Variants in RRP1B observed in about 807,000 individuals in gnomAD.
The protein encoded by RRP1B is ribosomal RNA processing protein 1 homolog B.
In RRP1B, 56 loss-of-function variants were observed where a neutral mutation model predicts 80.2. The observed-to-expected ratio is 0.70, with a 90% CI of 0.56 to 0.87. The LOEUF is 0.87. RRP1B is among the 40% of genes least tolerant of loss of function. The pLI, the probability that RRP1B is intolerant of heterozygous loss-of-function variation, is 0.00. For missense variants in RRP1B, 807 were observed against 939.8 expected (o/e 0.86, Z 1.85); for synonymous variants, 351 against 357.6 (o/e 0.98, Z 0.21).
Position 43,676,351 on chromosome 21 carries a change from T to A in RRP1B, c.614+15T>A. ...AAGACGAAGGAGTAAGTGATTCCCC[T>A]GTTCGTTCCTCCTGCTCCGTGGCAT... On this transcript the variant is annotated intron_variant, in intron 7 of 15. Coordinates refer to ENST00000340648, the MANE Select transcript of RRP1B (RefSeq NM_015056.3). 1 of 1,595,700 alleles carries A rather than the reference T, an allele frequency of 6.3e-7. No individual in the cohort carries two copies. The highest frequency in any genetic ancestry group is 8.6e-7 in the Non-Finnish European group (1 of 1,164,352).
At chr21:43,688,538 G>T (rs1177859971) in intron 13 of RRP1B, among the ~76,000 whole-genome samples, 1 of 152,214 alleles carries the variant, frequency 6.6e-6, no homozygotes, top group African/African-American at 2.4e-5. Flanking sequence ...CCCCAGGCGT[G>T]TTCAGGCCAG....
intron 1 of RRP1B, among the ~76,000 whole-genome samples, chr21:43,666,615 G>T (rs1300413321): frequency 6.6e-6 from 1 of 152,014 alleles, no homozygotes; most frequent in African/African-American, 2.4e-5. Context: ...CTACGTGGGA[G>T]GCTGAGGCAG....
At chr21:43,660,023 G>C (rs1032552672) in intron 1 of RRP1B, among the ~76,000 whole-genome samples, 1 of 152,224 alleles carries the variant, frequency 6.6e-6, no homozygotes, top group Non-Finnish European at 1.5e-5. Context: ...ACAGTAAGCG[G>C]GGAAGCTGAG....
intron 1 of RRP1B, among the ~76,000 whole-genome samples, chr21:43,660,586 GAA>G (rs2082949403): frequency 6.6e-6 from 1 of 152,176 alleles, no homozygotes; most frequent in Admixed American, 6.5e-5. Context: ...AAGAAAAAAG[GAA>G]AAAGAAAACC....
intron 1 of RRP1B, among the ~76,000 whole-genome samples, chr21:43,668,573 G>A (rs899949447): frequency 2.0e-5 from 3 of 152,046 alleles, no homozygotes. Context: ...GTTTCACTGT[G>A]TTAGTGAGGA....
Position 43,693,140 on chromosome 21 carries a change from G to A in RRP1B, c.2084-50G>A. On this transcript the variant is annotated intron_variant, in intron 15 of 15. Transcript: ENST00000340648. This position sits in a 1 kb window ranked among gnomAD's most constrained non-coding sequence, Gnocchi z 4.1. ...AGGACGCTGTCTAAGGTGTTGAAGG[G>A]ACAGCTGTCGGACCCACTTAATATG... 1 of 1,596,986 alleles carries A rather than the reference G, an allele frequency of 6.3e-7. No individual in the cohort carries two copies. The highest frequency in any genetic ancestry group is 8.6e-7 in the Non-Finnish European group (1 of 1,167,792).
chr21:43,689,786 C>G (rs542178715), intron 13 of RRP1B, among the ~76,000 whole-genome samples: 2 of 152,222 alleles, frequency 1.3e-5, no homozygotes, highest in African/African-American at 4.8e-5. Context: ...GTGTCGGCAG[C>G]GGCACTGGGC....
chr21:43,663,357 C>A (rs554753129), intron 1 of RRP1B, among the ~76,000 whole-genome samples: 1 of 152,186 alleles, frequency 6.6e-6, no homozygotes, highest in South Asian at 2.1e-4. Flanking sequence ...CCTCCACCTT[C>A]CAGTTTCAAG....
At chr21:43,665,834 T>C (rs1185016072) in intron 1 of RRP1B, among the ~76,000 whole-genome samples, 1 of 152,206 alleles carries the variant, frequency 6.6e-6, no homozygotes, top group East Asian at 1.9e-4. Context: ...GGAGCCATGC[T>C]TGTACAGCCT....
Position 43,683,336 on chromosome 21 carries a change from A to T in RRP1B, c.854A>T (p.Asp285Val). The T allele has an allele frequency of 6.2e-7, 1 of 1,614,188 alleles. No homozygotes were observed. Among genetic ancestry groups the T allele is most frequent in the Non-Finnish European group, 8.5e-7 (1 of 1,180,012 alleles). ...CTCAGTGATGAAAGAGGAAGAGATG[A>T]CTGTGGAACCTTTGAGGACACAGGG... Reference protein sequence around the residue: ...DGLSDERGRDDCGTFEDTGPL... With the variant: ...DGLSDERGRDVCGTFEDTGPL... Residue 285 changes from aspartate to valine, a missense_variant, in exon 9 of 16, where the codon GAC (aspartate) becomes GTC (valine). By Grantham distance (152) the Asp-to-Val change is radical. Transcript: ENST00000340648.
At position 43,675,332 on chromosome 21, in the gene RRP1B, T is replaced by C. The variant is rs115527012; in HGVS notation, c.549+169T>C. 1.0e-2 allele frequency among the ~76,000 whole-genome samples: 1,519 copies of C among 152,250 alleles called. 22 individuals are homozygous for C. The highest frequency in any genetic ancestry group is 0.033 in the African/African-American group (1,382 of 41,536). On this transcript the variant is annotated intron_variant, in intron 6 of 15. Transcript: ENST00000340648. ...TCCTAAGCAGCTGGTGGGATGGGAT[T>C]TGTGCACTGAGGATGTACATGACAG...
At chr21:43,677,637 A>G (rs1568957626) in intron 8 of RRP1B, among the ~76,000 whole-genome samples, 1 of 152,252 alleles carries the variant, frequency 6.6e-6, no homozygotes, top group Non-Finnish European at 1.5e-5. Context: ...CAAACTCTAC[A>G]TAGAAGGAGT....
chr21:43,667,688 T>TA (rs2082983796), intron 1 of RRP1B, among the ~76,000 whole-genome samples: 1 of 152,192 alleles, frequency 6.6e-6, no homozygotes, highest in Admixed American at 6.6e-5. Context: ...AAAAAAAAGT[T>TA]ACTGCAATCA....
chr21:43,686,402 T>C (rs535323119), intron 11 of RRP1B: 2 of 176,098 alleles, frequency 1.1e-5, no homozygotes, highest in South Asian at 1.4e-4. Flanking sequence ...TTTGCTCTTA[T>C]GGTCAATGGT....
At chr21:43,678,651 G>T (rs1056744558) in intron 8 of RRP1B, among the ~76,000 whole-genome samples, 1 of 152,136 alleles carries the variant, frequency 6.6e-6, no homozygotes. Flanking sequence ...ATTTGTTTGA[G>T]TTCCTTGTAG....
chr21:43,674,558 C>CT, intron 4 of RRP1B, 78 bp from the exon 5 acceptor site: 1 of 1,073,608 alleles, frequency 9.3e-7, no homozygotes, highest in Non-Finnish European at 1.3e-6. Flanking sequence ...CTTCATTCTG[C>CT]TGAGCTGATT....
rs1440434168 is a variant in RRP1B, at chr21:43,669,941, G to A, written c.188G>A (p.Trp63Ter). The A allele has an allele frequency of 1.9e-6, 3 of 1,612,820 alleles. No individual in the cohort carries two copies. Among genetic ancestry groups the A allele is most frequent in the Non-Finnish European group, 2.5e-6 (3 of 1,179,034 alleles). Residue 63 changes from tryptophan to a stop codon, truncating the protein, a stop_gained, in exon 2 of 16, where the codon TGG becomes TAG. Coordinates refer to ENST00000340648, the MANE Select transcript of RRP1B (RefSeq NM_015056.3). LOFTEE classifies it high-confidence loss of function. The stretch of plus-strand genomic sequence containing the variant: ...TGGAAGGGGCTCTTCTACTGCATGT[G>A]GGTGCAGGATGAACCCCTTCTACAG... ...KIWKGLFYCM[W>*]VQDEPLLQEE... is the part of the protein sequence containing the mutation.
At chr21:43,668,649 A>G (rs2082987893) in intron 1 of RRP1B, among the ~76,000 whole-genome samples, 1 of 152,150 alleles carries the variant, frequency 6.6e-6, no homozygotes, top group South Asian at 2.1e-4. Context: ...GATTACAGGC[A>G]TGAGCCACCG....
At position 43,676,829 on chromosome 21, in the gene RRP1B, A is replaced by G. The variant is rs762863760; in HGVS notation, c.711A>G (p.Thr237=). ...AAGAGACGATGGAGGAACAGAAGAC[A>G]AAAGTGGGTGATGGTGACCTCTCTG... ...VPEETMEEQK[T]KVGDGDLSAE... Residue 237 remains threonine, a synonymous_variant, in exon 8 of 16, where the codon ACA becomes ACG. Coordinates refer to ENST00000340648, the MANE Select transcript of RRP1B (RefSeq NM_015056.3). 1.1e-5 allele frequency: 17 copies of G among 1,614,270 alleles called. No individual in the cohort carries two copies. The highest frequency in any genetic ancestry group is 1.4e-5 in the Non-Finnish European group (17 of 1,180,042).
Sources: gnomAD v4.1 joint callset for allele counts (sites outside exome capture counted in the v4.1 genomes callset) on GRCh38, gnomAD v4.1.1 for gene constraint, Gnocchi (gnomAD v3.1) non-coding constraint, MANE v1.5 for transcripts, NCBI Gene and HGNC (gene_info 2026-07-23, HGNC 2026-07-21) for gene names.